BICD1: variants seen among roughly 807,000 people sequenced by gnomAD.
The protein encoded by BICD1 is BICD cargo adaptor 1.
A neutral mutation model predicts 92.5 loss-of-function variants in BICD1; 35 were observed. That is an observed-to-expected ratio of 0.38 (90% CI 0.29 to 0.50). The LOEUF is 0.50. Among genes scored for constraint, BICD1 ranks in the 20% least tolerant of loss-of-function variants. The pLI is 0.93. For synonymous variants in BICD1, 429 were observed against 465.1 expected, an observed-to-expected ratio of 0.92 and a Z score of 1.00; for missense variants, 950 against 1,189.8, an observed-to-expected ratio of 0.80 and a Z score of 2.97.
intron 1 of BICD1, among the ~76,000 whole-genome samples, chr12:32,111,477 C>A (rs1941689086): frequency 6.6e-6 from 1 of 152,190 alleles, no homozygotes; most frequent in African/African-American, 2.4e-5. Flanking sequence ...TTCTAAATCA[C>A]AAAATCATAT....
chr12:32,348,724 ATATATATATATATATATATATATATAT>A (rs1287555641), intron 8 of BICD1, among the ~76,000 whole-genome samples: 6 of 5,396 alleles, frequency 1.1e-3, no homozygotes, highest in African/African-American at 2.8e-3. Flanking sequence ...TCACACAAAA[ATATATATATATATATATATATATATAT>A]ATATATATAT....
intron 1 of BICD1, among the ~76,000 whole-genome samples, chr12:32,126,828 C>T (rs759372742): frequency 6.6e-6 from 1 of 152,066 alleles, no homozygotes; most frequent in Non-Finnish European, 1.5e-5. Context: ...GAACAGGCAC[C>T]AGGCACCTTT....
chr12:32,229,861 TTAATGATG>T (rs1565603430), intron 2 of BICD1, among the ~76,000 whole-genome samples: 1 of 152,156 alleles, frequency 6.6e-6, no homozygotes. Context: ...GTGGGAAATT[TTAATGATG>T]TAAGAAGGAA....
intron 1 of BICD1, among the ~76,000 whole-genome samples, chr12:32,148,299 G>A (rs570666296): frequency 2.0e-5 from 3 of 152,126 alleles, no homozygotes; most frequent in Admixed American, 6.5e-5. Context: ...AGTTACATTC[G>A]AATTAGGCAA....
At chr12:32,263,590 A>G (rs1370023305) in intron 2 of BICD1, among the ~76,000 whole-genome samples, 1 of 152,104 alleles carries the variant, frequency 6.6e-6, no homozygotes, top group Non-Finnish European at 1.5e-5. Context: ...ATGTGAGAAC[A>G]TGTTTCAAGT....
chr12:32,266,513 A>G (rs1247033595), intron 2 of BICD1, among the ~76,000 whole-genome samples: 1 of 152,190 alleles, frequency 6.6e-6, no homozygotes, highest in East Asian at 1.9e-4. Flanking sequence ...CCAAAAAATC[A>G]TCTTAAACCG....
In BICD1 at chr12:32,337,903, G is replaced by A; in HGVS notation, c.2570+87G>A. 2.0e-6 allele frequency: 3 copies of A among 1,473,598 alleles called. No individual in the cohort carries two copies. Among genetic ancestry groups the A allele is most frequent in the Non-Finnish European group, 2.8e-6 (3 of 1,066,316 alleles). 91.3% of individuals were successfully genotyped at this position (1,473,598 alleles called of 1,614,324 possible). A position where few individuals can be genotyped will look rare whatever the true frequency, so the allele number is the denominator to read the frequency against. On this transcript the variant is annotated intron_variant, in intron 7 of 9. Transcript: ENST00000652176. The surrounding 1 kb of genome is among the most constrained non-coding windows in gnomAD (Gnocchi z 4.7). ...TAAATGTGCTCTTGTTGTGGAGGATGGAGGAGGGGAAGCAAAAGAAAAAAT... is the reference window on the plus strand; with the variant it reads ...TAAATGTGCTCTTGTTGTGGAGGATAGAGGAGGGGAAGCAAAAGAAAAAAT...
chr12:32,280,098 C>CTAAATAAA (rs61445099), intron 2 of BICD1, among the ~76,000 whole-genome samples: 50,909 of 150,298 alleles, frequency 0.34, 9,133 homozygotes, highest in Non-Finnish European at 0.41. Flanking sequence ...AACTGCATCT[C>CTAAATAAA]TAAATAAATA....
chr12:32,126,426 G>T (rs1942342175), intron 1 of BICD1, among the ~76,000 whole-genome samples: 1 of 151,780 alleles, frequency 6.6e-6, no homozygotes, highest in Non-Finnish European at 1.5e-5. Context: ...ATCATGGTGG[G>T]CTAGAAATAG....
Position 32,271,367 on chromosome 12 carries a change from A to C in BICD1, c.427-22627A>C, listed in dbSNP as rs79723687. Among the ~76,000 whole-genome samples, 1,393 of 152,284 alleles carry C rather than the reference A, an allele frequency of 9.1e-3. 26 individuals are homozygous for C. Among genetic ancestry groups the C allele is most frequent in the African/African-American group, 0.032 (1,317 of 41,552 alleles). On this transcript the variant is annotated intron_variant, in intron 2 of 9. Transcript: ENST00000652176. ...TTCGTCTATTTGGGGCTTCTGAAAG[A>C]TGTTAGGCCCTGAAGAAGGTTGACT...
chr12:32,326,750 G>T (rs1212097718), intron 4 of BICD1, among the ~76,000 whole-genome samples: 1 of 152,154 alleles, frequency 6.6e-6, no homozygotes, highest in Non-Finnish European at 1.5e-5. Context: ...AGGTGTGGTG[G>T]TGCATACCTG....
chr12:32,339,154 C>A, intron 8 of BICD1, 175 bp downstream of exon 8: 1 of 1,329,684 alleles, frequency 7.5e-7, no homozygotes, highest in Non-Finnish European at 9.5e-7. Context: ...CTCCTTCACT[C>A]ATATTCCTTA....
In BICD1 at chr12:32,383,153, A is replaced by G. The variant is rs1409433778; in HGVS notation, c.*5526A>G. The G allele has an allele frequency of 6.6e-6, 1 of 152,084 alleles. No individual in the cohort carries two copies. Among genetic ancestry groups the G allele is most frequent in the Non-Finnish European group, 1.5e-5 (1 of 67,954 alleles). 9.4% of individuals were successfully genotyped at this position (152,084 alleles called of 1,614,324 possible). A position where few individuals can be genotyped will look rare whatever the true frequency, so the allele number is the denominator to read the frequency against. On this transcript the variant is annotated 3_prime_UTR_variant, in exon 10 of 10. Transcript: ENST00000652176. ...CCAACTCTGATTTGTACACCGTATT[A>G]TTGTTGTAATGATTCAACTGTTCCT...
chr12:32,348,723 A>AAAAAAAATATAT (rs1938731695), intron 8 of BICD1, among the ~76,000 whole-genome samples: 2 of 117,964 alleles, frequency 1.7e-5, no homozygotes, highest in Admixed American at 1.1e-4. Flanking sequence ...CTCACACAAA[A>AAAAAAAATATAT]ATATATATAT....
rs1367311461 is a variant in BICD1, at chr12:32,379,691, G to A, written c.*2064G>A. 1 of 152,128 alleles carries A rather than the reference G, an allele frequency of 6.6e-6. No individual in the cohort carries two copies. Among genetic ancestry groups the A allele is most frequent in the Non-Finnish European group, 1.5e-5 (1 of 68,040 alleles). The allele number at this position is 152,128 out of a possible 1,614,324, so 9.4% of individuals were successfully genotyped here. ...TTTTTCCCCCTTTCTCAAGCACCACGTATTTGGACCTGAGAAGTGGCATAG... is the reference window on the plus strand; with the variant it reads ...TTTTTCCCCCTTTCTCAAGCACCACATATTTGGACCTGAGAAGTGGCATAG... On this transcript the variant is annotated 3_prime_UTR_variant, in exon 10 of 10. Transcript: ENST00000652176.
chr12:32,290,367 CA>C, intron 2 of BICD1, among the ~76,000 whole-genome samples: 1 of 152,210 alleles, frequency 6.6e-6, no homozygotes, highest in African/African-American at 2.4e-5. Flanking sequence ...CTTCTGATGC[CA>C]AAAAAGCTTT....
At chr12:32,367,255 A>G (rs1488213681) in intron 8 of BICD1, among the ~76,000 whole-genome samples, 2 of 152,228 alleles carry the variant, frequency 1.3e-5, no homozygotes, top group Non-Finnish European at 2.9e-5. Flanking sequence ...CCTGATAGTA[A>G]AGTCAGTTAT....
chr12:32,226,507 C>T (rs1421919568), intron 2 of BICD1, among the ~76,000 whole-genome samples: 3 of 152,168 alleles, frequency 2.0e-5, no homozygotes, highest in African/African-American at 7.2e-5. Context: ...TAACCATCTC[C>T]TCACTTCACA....
chr12:32,173,345 C>T (rs1441524651), intron 1 of BICD1, among the ~76,000 whole-genome samples: 4 of 152,146 alleles, frequency 2.6e-5, no homozygotes, highest in Admixed American at 6.5e-5. Flanking sequence ...CCACCGTGCC[C>T]GGCCCAGGCA....
Sources: allele counts gnomAD v4.1 joint callset (sites outside exome capture counted in the v4.1 genomes callset), GRCh38; gene constraint gnomAD v4.1.1; non-coding constraint Gnocchi (gnomAD v3.1); transcripts MANE v1.5; gene names NCBI Gene and HGNC (gene_info 2026-07-23, HGNC 2026-07-21).